The following PRKAR2B variants were observed in gnomAD, a reference collection of about 807,000 sequenced individuals.
PRKAR2B encodes the protein protein kinase cAMP-dependent type II regulatory subunit beta, also known as cAMP-dependent protein kinase type II-beta regulatory subunit.
Under a neutral mutation model 49.9 loss-of-function variants are expected in PRKAR2B, and 14 were observed. The observed-to-expected ratio is 0.28, with a 90% CI of 0.19 to 0.44. The LOEUF (loss-of-function observed/expected upper bound fraction) is 0.44, where lower values mean the gene tolerates loss of function less well. PRKAR2B is among the 20% of genes least tolerant of loss of function. The pLI, the probability that PRKAR2B is intolerant of heterozygous loss-of-function variation, is 1.00. For missense variants in PRKAR2B, 393 were observed against 537.9 expected (o/e 0.73, Z 2.67); for synonymous variants, 196 against 197.7 (o/e 0.99, Z 0.07).
intron 2 of PRKAR2B, among the ~76,000 whole-genome samples, chr7:107,086,482 A>G (rs1451304037): frequency 6.6e-6 from 1 of 151,548 alleles, no homozygotes. Context: ...ATTTTCAGAA[A>G]TGTCTTTTTT....
At chr7:107,056,696 G>A (rs1424609055) in intron 1 of PRKAR2B, among the ~76,000 whole-genome samples, 1 of 152,158 alleles carries the variant, frequency 6.6e-6, no homozygotes, top group East Asian at 1.9e-4. Context: ...TTGCCTGTCA[G>A]CTTAAGGACA....
chr7:107,091,377 G>T (rs556020422), intron 2 of PRKAR2B, among the ~76,000 whole-genome samples: 7 of 152,306 alleles, frequency 4.6e-5, no homozygotes, highest in African/African-American at 1.7e-4. Flanking sequence ...TCCTAGAGGA[G>T]CTAAATGGGT....
At chr7:107,056,968 G>T (rs1184744756) in intron 1 of PRKAR2B, among the ~76,000 whole-genome samples, 1 of 152,018 alleles carries the variant, frequency 6.6e-6, no homozygotes. Context: ...TGACATTCTG[G>T]CCCCCCACAA....
At chr7:107,151,067 T>C (rs767567683) in intron 7 of PRKAR2B, 44 bp downstream of exon 7, 4 of 1,200,068 alleles carry the variant, frequency 3.3e-6, no homozygotes, top group African/African-American at 1.6e-5. Flanking sequence ...CTTTAAAAGT[T>C]TCTGTTTTGC....
At chr7:107,087,138 A>G (rs1457871482) in intron 2 of PRKAR2B, among the ~76,000 whole-genome samples, 1 of 152,112 alleles carries the variant, frequency 6.6e-6, no homozygotes, top group Non-Finnish European at 1.5e-5. Flanking sequence ...CTCTTACTTA[A>G]GATTGATTTT....
At chr7:107,089,950 C>G (rs1266483574) in intron 2 of PRKAR2B, among the ~76,000 whole-genome samples, 1 of 152,214 alleles carries the variant, frequency 6.6e-6, no homozygotes, top group Admixed American at 6.5e-5. Context: ...ATACAACTTT[C>G]TTATCAATGA....
chr7:107,100,412 T>A (rs930766987), intron 2 of PRKAR2B, among the ~76,000 whole-genome samples: 1 of 152,238 alleles, frequency 6.6e-6, no homozygotes, highest in Admixed American at 6.5e-5. Context: ...TCTCTCTTAC[T>A]GCTTTGACAA....
chr7:107,050,350 T>C (rs1165416356), intron 1 of PRKAR2B, among the ~76,000 whole-genome samples: 1 of 145,698 alleles, frequency 6.9e-6, no homozygotes, highest in Non-Finnish European at 1.5e-5. Flanking sequence ...TTTTTTTTTT[T>C]TTTTTTTTTT....
chr7:107,066,301 G>GGGGGGTGTGT (rs147673007), intron 1 of PRKAR2B, among the ~76,000 whole-genome samples: 9 of 145,512 alleles, frequency 6.2e-5, no homozygotes, highest in African/African-American at 2.3e-4. Context: ...CTCTATGTGG[G>GGGGGGTGTGT]GTGTGTGTGT....
intron 2 of PRKAR2B, among the ~76,000 whole-genome samples, chr7:107,102,694 A>G (rs968864716): frequency 6.6e-6 from 1 of 152,178 alleles, no homozygotes; most frequent in Non-Finnish European, 1.5e-5. Flanking sequence ...TGTTTGAGAC[A>G]GAGCCTCGCT....
intron 2 of PRKAR2B, among the ~76,000 whole-genome samples, chr7:107,102,254 A>G (rs73413372): frequency 0.074 from 11,284 of 152,308 alleles, 441 homozygotes; most frequent in Middle Eastern, 0.085. Flanking sequence ...ATATATTTGC[A>G]TAAGATACTC....
At chr7:107,094,383 A>G (rs1035037110) in intron 2 of PRKAR2B, among the ~76,000 whole-genome samples, 2 of 152,050 alleles carry the variant, frequency 1.3e-5, no homozygotes, top group African/African-American at 4.8e-5. Context: ...ATGTGTTTAA[A>G]TTCTTTGTAG....
rs983690150 is a variant in PRKAR2B, at chr7:107,160,940, T to G, written c.*1358T>G. On this transcript the variant is annotated 3_prime_UTR_variant, in exon 11 of 11. Transcript: ENST00000265717. The stretch of plus-strand genomic sequence containing the variant: ...CCCATGACCCAGTGTCTAGAGACAT[T>G]AATTCTAACCAGTTGTTTGCTTTTA... The G allele has an allele frequency of 6.6e-6, 1 of 152,210 alleles. No homozygotes were observed. Among genetic ancestry groups the G allele is most frequent in the African/African-American group, 2.4e-5 (1 of 41,462 alleles). 9.4% of individuals were successfully genotyped at this position (152,210 alleles called of 1,614,324 possible). A position where few individuals can be genotyped will look rare whatever the true frequency, so the allele number is the denominator to read the frequency against.
At chr7:107,045,854 G>A (rs1378416691) in intron 1 of PRKAR2B, among the ~76,000 whole-genome samples, 1 of 152,176 alleles carries the variant, frequency 6.6e-6, no homozygotes, top group African/African-American at 2.4e-5. Context: ...TATTTAGTCT[G>A]AAACCCACGG....
chr7:107,073,551 G>T (rs17340479), intron 2 of PRKAR2B, among the ~76,000 whole-genome samples: 10,013 of 152,182 alleles, frequency 0.066, 463 homozygotes, highest in Middle Eastern at 0.15. Flanking sequence ...CAATTTTACT[G>T]ATTAGATTGG....
At chr7:107,103,896 A>C (rs1224601217) in intron 2 of PRKAR2B, among the ~76,000 whole-genome samples, 1 of 152,222 alleles carries the variant, frequency 6.6e-6, no homozygotes, top group Non-Finnish European at 1.5e-5. Flanking sequence ...GCCTGTTAGC[A>C]GGTTCTGTCT....
intron 4 of PRKAR2B, among the ~76,000 whole-genome samples, chr7:107,137,696 G>A (rs952825008): frequency 3.3e-5 from 5 of 152,014 alleles, no homozygotes; most frequent in South Asian, 2.1e-4. Flanking sequence ...TTTCCCACAC[G>A]GTCTCCAACA....
rs35682952 is a variant in PRKAR2B, at chr7:107,126,420, CAAAAAAAAAAA to C, written c.397-1779_397-1769del. Among the ~76,000 whole-genome samples, 7 of 38,402 alleles carry C rather than the reference CAAAAAAAAAAA, an allele frequency of 1.8e-4. No individual in the cohort carries two copies. In the East Asian group the frequency reaches 4.0e-3, roughly 22 times the overall value. 25.2% of individuals were successfully genotyped at this position (38,402 alleles called of 152,430 possible). On this transcript the variant is annotated intron_variant, in intron 3 of 10. Coordinates refer to ENST00000265717, the MANE Select transcript of PRKAR2B (RefSeq NM_002736.3). ...TGGGCAACAGAGTGAGAATCTGTCT[CAAAAAAAAAAA>C]AAAAAAAAAAAAGTCGTCATTGGTA...
chr7:107,131,258 CGTT>C (rs1216294401), intron 4 of PRKAR2B, among the ~76,000 whole-genome samples: 1 of 152,104 alleles, frequency 6.6e-6, no homozygotes, highest in Non-Finnish European at 1.5e-5. Context: ...AGGCATAAAT[CGTT>C]GCTAATTATG....
Sources: allele counts gnomAD v4.1 joint callset (sites outside exome capture counted in the v4.1 genomes callset), GRCh38; gene constraint gnomAD v4.1.1; transcripts MANE v1.5; gene names NCBI Gene and HGNC (gene_info 2026-07-23, HGNC 2026-07-21).